KMT2C: variants seen among roughly 807,000 people sequenced by gnomAD.
KMT2C encodes histone-lysine N-methyltransferase 2C.
In KMT2C, 88 loss-of-function variants were observed where a neutral mutation model predicts 507.9. The ratio of observed to expected loss-of-function variants is 0.17; its 90% CI spans 0.15 to 0.21. KMT2C has a LOEUF of 0.21. KMT2C is among the 10% of genes least tolerant of loss of function. The probability of loss-of-function intolerance (pLI) is 1.00; values close to 1 mark genes in which losing one functional copy is unlikely to be tolerated. For missense variants in KMT2C, 4,954 were observed against 5,957.8 expected (o/e 0.83, Z 5.55); for synonymous variants, 2,049 against 2,080.8 (o/e 0.98, Z 0.42).
At chr7:152,146,126 T>A (rs2091075779) in intron 53 of KMT2C, among the ~76,000 whole-genome samples, 1 of 152,198 alleles carries the variant, frequency 6.6e-6, no homozygotes, top group South Asian at 2.1e-4. Flanking sequence ...TTGTAATCTT[T>A]TAAGCAAAGA....
chr7:152,410,163 G>A (rs2097665899), intron 1 of KMT2C, among the ~76,000 whole-genome samples: 1 of 152,042 alleles, frequency 6.6e-6, no homozygotes, highest in Non-Finnish European at 1.5e-5. Context: ...GGTAATCCTA[G>A]CACTTTGGGA....
chr7:152,361,648 G>C (rs1202334165), intron 1 of KMT2C, among the ~76,000 whole-genome samples: 1 of 151,946 alleles, frequency 6.6e-6, no homozygotes, highest in Non-Finnish European at 1.5e-5. Context: ...AAGAAAATTT[G>C]ATCAATCCAA....
chr7:152,327,592 T>C (rs1563873583), intron 3 of KMT2C, among the ~76,000 whole-genome samples: 2 of 152,238 alleles, frequency 1.3e-5, no homozygotes, highest in Non-Finnish European at 2.9e-5. Context: ...GTAAAGTTCA[T>C]GGTAGTATCA....
chr7:152,360,509 G>A (rs186450103), intron 1 of KMT2C, among the ~76,000 whole-genome samples: 4 of 150,242 alleles, frequency 2.7e-5, no homozygotes. Context: ...CCTAAACCAT[G>A]AAGGAGCTAT....
In KMT2C at chr7:152,425,113, T is replaced by C. The variant is rs149396840; in HGVS notation, c.161+10513A>G. Among the ~76,000 whole-genome samples the C allele has an allele frequency of 3.6e-3, 551 of 152,340 alleles. 3 individuals carry two copies. Among genetic ancestry groups the C allele is most frequent in the African/African-American group, 0.013 (529 of 41,570 alleles). ...TACACCAATACAGTAGACTACCATC[T>C]CCTTTATTTACTGTAAAAGTAACAC... is the stretch of plus-strand genomic sequence containing the variant. On this transcript the variant is annotated intron_variant, in intron 1 of 58. Coordinates refer to ENST00000262189, the MANE Select transcript of KMT2C (RefSeq NM_170606.3).
chr7:152,169,701 A>C (rs1365790056), intron 40 of KMT2C, among the ~76,000 whole-genome samples: 1 of 152,190 alleles, frequency 6.6e-6, no homozygotes, highest in African/African-American at 2.4e-5. Flanking sequence ...GCACAAATAT[A>C]AAAGAAAAAT....
intron 2 of KMT2C, among the ~76,000 whole-genome samples, chr7:152,335,765 T>C (rs950399812): frequency 3.3e-5 from 5 of 152,192 alleles, no homozygotes; most frequent in African/African-American, 9.6e-5. Context: ...ACAATGTCTA[T>C]CTCTCCCTCA....
chr7:152,140,550 A>G (rs183083336), intron 55 of KMT2C, among the ~76,000 whole-genome samples: 26 of 152,284 alleles, frequency 1.7e-4, no homozygotes, highest in African/African-American at 5.8e-4. Context: ...TCTTGTCCCA[A>G]TTTTGGGTTT....
chr7:152,179,728 T>C, intron 37 of KMT2C, 106 bp downstream of exon 37: 1 of 916,818 alleles, frequency 1.1e-6, no homozygotes. Flanking sequence ...CAAGCAATCC[T>C]CCTGCCTCAG....
chr7:152,187,790 G>A lies in KMT2C; in HGVS notation c.4718C>T (p.Pro1573Leu). The A allele has an allele frequency of 6.2e-7, 1 of 1,613,966 alleles. No homozygotes were observed. Among genetic ancestry groups the A allele is most frequent in the East Asian group, 2.2e-5 (1 of 44,870 alleles). The change falls in exon 32 of 59, where the codon CCA becomes CTA. Residue 1573 changes from proline (P) to leucine (L), a missense_variant. Around this residue, in one of 29 missense-constraint regions of KMT2C, gnomAD observed 195 missense variants for 183.7 expected, o/e 1.06. Transcript: ENST00000262189. ...GCTTCCAGGTGGCAAAGAATTATGT[G>A]GGAGATGAGGACTGGATCCAATAAG... is the stretch of plus-strand genomic sequence containing the variant. ...NGLIGSSPHLPHNSLPPGSGL... is the reference protein window; with the variant it reads ...NGLIGSSPHLLHNSLPPGSGL...
In KMT2C at chr7:152,134,970, C is replaced by T. The variant is rs1364254223; in HGVS notation, c.*1862G>A. 1.8e-5 allele frequency: 4 copies of T among 225,110 alleles called. No individual in the cohort carries two copies. Among genetic ancestry groups the T allele is most frequent in the Non-Finnish European group, 3.5e-5 (4 of 112,784 alleles). The allele number at this position is 225,110 out of a possible 1,614,324, so 13.9% of individuals were successfully genotyped here. A position where few individuals can be genotyped will look rare whatever the true frequency, so the allele number is the denominator to read the frequency against. On this transcript the variant is annotated 3_prime_UTR_variant, in exon 59 of 59. Transcript: ENST00000262189. ...ATTTGTAAATGGTGATCTTCTAAATCTGTGTCCACAAATTCCAAAACCCAT... is the reference window on the plus strand; with the variant it reads ...ATTTGTAAATGGTGATCTTCTAAATTTGTGTCCACAAATTCCAAAACCCAT...
intron 1 of KMT2C, among the ~76,000 whole-genome samples, chr7:152,385,455 A>C (rs1401471438): frequency 7.5e-6 from 1 of 133,054 alleles, no homozygotes; most frequent in Non-Finnish European, 1.5e-5. Context: ...TACTAAAAAT[A>C]CAAAAAATTA....
intron 33 of KMT2C, 43 bp downstream of exon 33, chr7:152,187,219 G>T: frequency 6.6e-7 from 1 of 1,506,286 alleles, no homozygotes; most frequent in South Asian, 1.2e-5. Context: ...TATTGCACAT[G>T]TGAAAATGTT....
chr7:152,330,824 CATA>C, intron 2 of KMT2C, 85 bp from the exon 3 acceptor site: 1 of 1,250,476 alleles, frequency 8.0e-7, no homozygotes, highest in Non-Finnish European at 1.1e-6. Flanking sequence ...AAGCATAGGT[CATA>C]ATGTAAAAAG....
chr7:152,204,502 C>A (rs899533344), intron 25 of KMT2C, among the ~76,000 whole-genome samples: 1 of 151,870 alleles, frequency 6.6e-6, no homozygotes, highest in Admixed American at 6.6e-5. Context: ...AGGTTGAGGA[C>A]AGGAGAACTA....
At chr7:152,246,178 A>G (rs959960159) in intron 14 of KMT2C, among the ~76,000 whole-genome samples, 4 of 152,128 alleles carry the variant, frequency 2.6e-5, no homozygotes, top group Admixed American at 2.6e-4. Context: ...TACTCTCCCT[A>G]ATAACAGCAC....
chr7:152,167,003 CTG>C (rs2092761127), intron 42 of KMT2C, 141 bp downstream of exon 42: 1 of 634,646 alleles, frequency 1.6e-6, no homozygotes, highest in African/African-American at 1.8e-5. Context: ...GGTCTCAGAG[CTG>C]TCACTTTTTG....
At chr7:152,303,562 A>G (rs1201369092) in intron 6 of KMT2C, among the ~76,000 whole-genome samples, 2 of 152,260 alleles carry the variant, frequency 1.3e-5, no homozygotes, top group Admixed American at 6.5e-5. Flanking sequence ...AAAGCAAAAC[A>G]GCTATTTTCC....
At chr7:152,199,225 G>A (rs928390017) in intron 27 of KMT2C, 54 bp downstream of exon 27, 141 of 1,368,852 alleles carry the variant, frequency 1.0e-4, no homozygotes, top group Middle Eastern at 5.4e-4. Context: ...TTAACTGAAA[G>A]GAAGATGTAT....
Sources: gnomAD v4.1 joint callset for allele counts (sites outside exome capture counted in the v4.1 genomes callset) on GRCh38, gnomAD v4.1.1 for gene constraint, gnomAD v4.1.1 regional missense constraint, MANE v1.5 for transcripts, NCBI Gene and HGNC (gene_info 2026-07-23, HGNC 2026-07-21) for gene names.